The following CDH4 variants were observed in gnomAD, a reference collection of about 807,000 sequenced individuals.
The protein encoded by CDH4 is cadherin-4.
In CDH4, 33 loss-of-function variants were observed where a neutral mutation model predicts 86.0. The ratio of observed to expected loss-of-function variants is 0.38; its 90% CI spans 0.29 to 0.51. The LOEUF (loss-of-function observed/expected upper bound fraction) is 0.51, where lower values mean the gene tolerates loss of function less well. CDH4 is among the 20% of genes least tolerant of loss of function. The probability of loss-of-function intolerance (pLI) is 0.86; values close to 1 mark genes in which losing one functional copy is unlikely to be tolerated. For synonymous variants in CDH4, 555 were observed against 549.4 expected (o/e 1.01, Z -0.14); for missense variants, 1,114 against 1,307.4 (o/e 0.85, Z 2.28).
At chr20:61,338,720 G>A (rs542989585) in intron 2 of CDH4, among the ~76,000 whole-genome samples, 178 of 152,244 alleles carry the variant, frequency 1.2e-3, no homozygotes, top group Middle Eastern at 3.4e-3. Context: ...ATTAAAAAGA[G>A]ACTTTTTAAT....
intron 2 of CDH4, among the ~76,000 whole-genome samples, chr20:61,658,878 TA>T (rs2087221454): frequency 6.6e-6 from 1 of 152,074 alleles, no homozygotes; most frequent in Non-Finnish European, 1.5e-5. Context: ...AGGACCAGGG[TA>T]GGGGGGAGTG....
intron 2 of CDH4, among the ~76,000 whole-genome samples, chr20:61,402,721 C>G (rs764050620): frequency 6.6e-5 from 10 of 152,174 alleles, no homozygotes; most frequent in Non-Finnish European, 1.5e-4. Context: ...TATTTTCAAT[C>G]AGCAGTCGGT....
chr20:61,590,405 G>T (rs6121440), intron 2 of CDH4, among the ~76,000 whole-genome samples: 8,496 of 152,236 alleles, frequency 0.056, 427 homozygotes, highest in African/African-American at 0.13. Context: ...CAGCAGGAGG[G>T]TCAGGTTCAG....
intron 2 of CDH4, among the ~76,000 whole-genome samples, chr20:61,346,322 A>C (rs1237337737): frequency 2.0e-5 from 3 of 152,152 alleles, no homozygotes; most frequent in Non-Finnish European, 4.4e-5. Flanking sequence ...GTGTGGTCGG[A>C]GGGAGGCAGG....
At chr20:61,565,503 G>C (rs999613283) in intron 2 of CDH4, among the ~76,000 whole-genome samples, 1 of 151,514 alleles carries the variant, frequency 6.6e-6, no homozygotes, top group Non-Finnish European at 1.5e-5. Flanking sequence ...CCACCTCCTT[G>C]GGGCTGTTTC....
At chr20:61,726,318 G>A (rs1394674556) in intron 2 of CDH4, among the ~76,000 whole-genome samples, 1 of 152,060 alleles carries the variant, frequency 6.6e-6, no homozygotes, top group Non-Finnish European at 1.5e-5. Flanking sequence ...CCAAGCCTGG[G>A]GTATTCTCTG....
In CDH4 at chr20:61,939,512, C is replaced by G. The variant is rs939553076; in HGVS notation, c.*2569C>G. 1 of 152,458 alleles carries G rather than the reference C, an allele frequency of 6.6e-6. No individual in the cohort carries two copies. The highest frequency in any genetic ancestry group is 1.5e-5 in the Non-Finnish European group (1 of 68,182). 9.4% of individuals were successfully genotyped at this position (152,458 alleles called of 1,614,324 possible). A position where few individuals can be genotyped will look rare whatever the true frequency, so the allele number is the denominator to read the frequency against. On this transcript the variant is annotated 3_prime_UTR_variant, in exon 16 of 16. Coordinates refer to ENST00000614565, the MANE Select transcript of CDH4 (RefSeq NM_001794.5). ...AGCTGGACAGCTTCCCCTCTACCCC[C>G]ACCCTGGTGAGCCCCTGGGGGCCAG...
intron 2 of CDH4, among the ~76,000 whole-genome samples, chr20:61,705,122 G>A (rs555132641): frequency 6.6e-6 from 1 of 152,250 alleles, no homozygotes; most frequent in South Asian, 2.1e-4. Flanking sequence ...AGGACACAGG[G>A]GCCTTGTGCC....
chr20:61,561,899 T>C lies in CDH4; in HGVS notation c.170-181664T>C, dbSNP rs1308531701. The stretch of plus-strand genomic sequence containing the variant: ...TGGGCCCCAGTGGCTGCATGCGCCA[T>C]GTTTCTGGGCAGTGACCATATGATG... On this transcript the variant is annotated intron_variant, in intron 2 of 15. Transcript: ENST00000614565. 3.3e-5 allele frequency among the ~76,000 whole-genome samples: 5 copies of C among 152,230 alleles called. 1 individual carries two copies. The highest frequency in any genetic ancestry group is 2.6e-4 in the Admixed American group (4 of 15,282).
intron 2 of CDH4, among the ~76,000 whole-genome samples, chr20:61,519,570 A>G (rs1368398707): frequency 5.9e-5 from 9 of 152,224 alleles, no homozygotes; most frequent in African/African-American, 1.9e-4. Flanking sequence ...AGGCTCCCCA[A>G]GGAGGCTCCC....
chr20:61,808,119 T>G (rs1423589286), intron 4 of CDH4, among the ~76,000 whole-genome samples: 1 of 151,812 alleles, frequency 6.6e-6, no homozygotes, highest in Non-Finnish European at 1.5e-5. Context: ...CCTCCTTAGC[T>G]GAGCACTGGG....
chr20:61,872,413 T>A (rs1371031273), intron 6 of CDH4, among the ~76,000 whole-genome samples: 3 of 152,118 alleles, frequency 2.0e-5, no homozygotes, highest in African/African-American at 4.8e-5. Context: ...CAGAACAGAT[T>A]GTGCAAGATC....
At chr20:61,823,564 A>G (rs1342734497) in intron 4 of CDH4, among the ~76,000 whole-genome samples, 1 of 152,152 alleles carries the variant, frequency 6.6e-6, no homozygotes, top group Admixed American at 6.5e-5. Context: ...ATAGATGAGG[A>G]GACCAAGAAT....
At position 61,340,943 on chromosome 20, in the gene CDH4, T is replaced by C. The variant is rs144633220; in HGVS notation, c.169+86006T>C. Among the ~76,000 whole-genome samples the C allele has an allele frequency of 3.9e-5, 6 of 152,334 alleles. No individual in the cohort carries two copies. The East Asian group carries it at 1.2e-3, about 29-fold the overall frequency. On this transcript the variant is annotated intron_variant, in intron 2 of 15. Coordinates refer to ENST00000614565, the MANE Select transcript of CDH4 (RefSeq NM_001794.5). The stretch of plus-strand genomic sequence containing the variant: ...ATGAGCACAGTTTCAAAATGTGAAC[T>C]AGGTGTTGGCTTAAATCTGCCAAGC...
At chr20:61,746,475 G>A (rs2088415961) in intron 3 of CDH4, among the ~76,000 whole-genome samples, 2 of 152,222 alleles carry the variant, frequency 1.3e-5, no homozygotes, top group Non-Finnish European at 2.9e-5. Flanking sequence ...CATCATGGAT[G>A]AGGGTGCTGA....
chr20:61,852,729 G>A (rs748563074), intron 5 of CDH4, 25 bp from the exon 6 acceptor site: 3 of 1,604,418 alleles, frequency 1.9e-6, no homozygotes, highest in Non-Finnish European at 2.6e-6. Context: ...CCCGCCACTG[G>A]GCCCTGTCTC....
At chr20:61,412,205 A>G (rs2085123338) in intron 2 of CDH4, among the ~76,000 whole-genome samples, 1 of 152,176 alleles carries the variant, frequency 6.6e-6, no homozygotes, top group Non-Finnish European at 1.5e-5. Context: ...AACAGACCAA[A>G]GTGAACTTCA....
rs2086281865 is a variant in CDH4, at chr20:61,565,322, CTCT to C, written c.170-178239_170-178237del. On this transcript the variant is annotated intron_variant, in intron 2 of 15. Coordinates refer to ENST00000614565, the MANE Select transcript of CDH4 (RefSeq NM_001794.5). ...GGCGGTGCTCTTGGTGGTGGCGGTG[CTCT>C]TGGTGATGGTGGTAGTGGTCCTCTT... Among the ~76,000 whole-genome samples the C allele has an allele frequency of 8.6e-5, 2 of 23,354 alleles. 1 individual carries two copies. The highest frequency in any genetic ancestry group is 1.6e-4 in the Non-Finnish European group (2 of 12,504). 15.3% of individuals were successfully genotyped at this position (23,354 alleles called of 152,430 possible). A position where few individuals can be genotyped will look rare whatever the true frequency, so the allele number is the denominator to read the frequency against.
At chr20:61,350,063 G>T (rs368144791) in intron 2 of CDH4, among the ~76,000 whole-genome samples, 2 of 151,846 alleles carry the variant, frequency 1.3e-5, no homozygotes, top group African/African-American at 4.8e-5. Flanking sequence ...CAAGGCCAGC[G>T]GAATACCTCT....
Sources: gnomAD v4.1 joint callset for allele counts (sites outside exome capture counted in the v4.1 genomes callset) on GRCh38, gnomAD v4.1.1 for gene constraint, MANE v1.5 for transcripts, NCBI Gene and HGNC (gene_info 2026-07-23, HGNC 2026-07-21) for gene names.